The following WDPCP variants were observed in gnomAD, a reference collection of about 807,000 sequenced individuals.
WDPCP encodes WD repeat containing planar cell polarity effector.
Under a neutral mutation model 93.1 loss-of-function variants are expected in WDPCP, and 71 were observed. That is an observed-to-expected ratio of 0.76 (90% confidence interval 0.63 to 0.93). The LOEUF (loss-of-function observed/expected upper bound fraction) is 0.93. WDPCP is among the 40% of genes least tolerant of loss of function. The probability of loss-of-function intolerance (pLI) is 0.00; values close to 1 mark genes in which losing one functional copy is unlikely to be tolerated. For missense variants in WDPCP, 844 were observed against 887.4 expected, an observed-to-expected ratio of 0.95 and a Z score of 0.62; for synonymous variants, 315 against 315.0, an observed-to-expected ratio of 1.00 and a Z score of 0.00.
intron 2 of WDPCP, among the ~76,000 whole-genome samples, chr2:63,657,205 G>GTTTTTTTTTTT (rs61597471): frequency 8.8e-6 from 1 of 114,168 alleles, no homozygotes; most frequent in African/African-American, 3.5e-5. Context: ...TCTGGGTGAT[G>GTTTTTTTTTTT]TTTTTTTTTT....
chr2:63,495,343 A>C (rs561613709), intron 1 of WDPCP, among the ~76,000 whole-genome samples: 8 of 152,300 alleles, frequency 5.3e-5, no homozygotes, highest in African/African-American at 1.7e-4. Flanking sequence ...CTATTACTCA[A>C]AATGTTTCCA....
At chr2:63,661,270 A>G (rs1313217234) in intron 2 of WDPCP, among the ~76,000 whole-genome samples, 1 of 152,194 alleles carries the variant, frequency 6.6e-6, no homozygotes, top group Admixed American at 6.5e-5. Flanking sequence ...TTCTAAGCCT[A>G]CTCAAATAGT....
At chr2:63,329,040 C>T (rs750711930) in intron 12 of WDPCP, among the ~76,000 whole-genome samples, 1 of 152,160 alleles carries the variant, frequency 6.6e-6, no homozygotes, top group Non-Finnish European at 1.5e-5. Context: ...TGTTTACTTT[C>T]ATGATAAGAA....
At chr2:63,570,068 T>G (rs1230368583) in intron 1 of WDPCP, among the ~76,000 whole-genome samples, 1 of 152,306 alleles carries the variant, frequency 6.6e-6, no homozygotes, top group African/African-American at 2.4e-5. Context: ...CAGAAATAAC[T>G]GGGTGCTGAG....
At chr2:63,634,749 T>C (rs564884718) in intron 3 of WDPCP, among the ~76,000 whole-genome samples, 1 of 151,912 alleles carries the variant, frequency 6.6e-6, no homozygotes, top group South Asian at 2.1e-4. Flanking sequence ...ATATCTTGAG[T>C]CAAATAAAAA....
intron 1 of WDPCP, among the ~76,000 whole-genome samples, chr2:63,502,878 T>C (rs1701643714): frequency 6.6e-6 from 1 of 152,120 alleles, no homozygotes; most frequent in Non-Finnish European, 1.5e-5. Context: ...AGCCAGACTG[T>C]GGTTCTTCAC....
At chr2:63,831,874 G>A (rs1048294165), upstream of WDPCP, among the ~76,000 whole-genome samples, 6 of 152,178 alleles carry the variant, frequency 3.9e-5, no homozygotes, top group African/African-American at 1.4e-4. Context: ...TCCTCAGAAG[G>A]ATTTGGAGAA....
chr2:63,760,929 A>G (rs1275094890), intron 2 of WDPCP, among the ~76,000 whole-genome samples: 1 of 152,170 alleles, frequency 6.6e-6, no homozygotes, highest in Non-Finnish European at 1.5e-5. Context: ...ACTCAGTGGT[A>G]CATCCAATAC....
intron 14 of WDPCP, among the ~76,000 whole-genome samples, chr2:63,188,514 T>A (rs879011149): frequency 6.6e-6 from 1 of 151,996 alleles, no homozygotes; most frequent in Non-Finnish European, 1.5e-5. Context: ...TGTTTTTTTT[T>A]CAAGAGACAG....
chr2:63,571,470 G>T (rs1707498711), intron 1 of WDPCP: 4 of 468,320 alleles, frequency 8.5e-6, no homozygotes, highest in South Asian at 4.7e-5. Context: ...TTGCAGTGAA[G>T]GTCTGCTGGC....
intron 8 of WDPCP, among the ~76,000 whole-genome samples, chr2:63,435,408 AT>A (rs1697065389): frequency 6.6e-6 from 1 of 152,144 alleles, no homozygotes; most frequent in African/African-American, 2.4e-5. Context: ...ATTAAGTGTA[AT>A]TTCTTATATT....
intron 13 of WDPCP, among the ~76,000 whole-genome samples, chr2:63,292,648 C>T (rs1575075049): frequency 6.6e-6 from 1 of 152,324 alleles, no homozygotes; most frequent in Non-Finnish European, 1.5e-5. Flanking sequence ...CTGGGTCTCA[C>T]CTCTTCACAC....
At chr2:63,275,656 T>C (rs1440960849) in intron 13 of WDPCP, among the ~76,000 whole-genome samples, 1 of 151,672 alleles carries the variant, frequency 6.6e-6, no homozygotes, top group Non-Finnish European at 1.5e-5. Flanking sequence ...CACAAAAAAA[T>C]ACACAAGAAA....
chr2:63,806,851 T>C (rs1015670615), intron 2 of WDPCP, among the ~76,000 whole-genome samples: 11 of 152,218 alleles, frequency 7.2e-5, no homozygotes, highest in Admixed American at 3.9e-4. Context: ...CCCTGAACAA[T>C]TGCTGTTATC....
intron 3 of WDPCP, chr2:63,594,634 G>C (rs770273105): frequency 7.6e-7 from 1 of 1,321,040 alleles, no homozygotes; most frequent in East Asian, 2.3e-5. Context: ...TAAGAATATG[G>C]TTAATAAAAA....
At chr2:63,708,576 G>A (rs144034730) in intron 2 of WDPCP, among the ~76,000 whole-genome samples, 27,666 of 152,116 alleles carry the variant, frequency 0.18, 2,759 homozygotes, top group Middle Eastern at 0.27. Context: ...TGCGCTTCCC[G>A]GGTGAGGCGA....
intron 6 of WDPCP, among the ~76,000 whole-genome samples, chr2:63,478,583 G>C (rs543547403): frequency 6.6e-6 from 1 of 152,178 alleles, no homozygotes; most frequent in South Asian, 2.1e-4. Flanking sequence ...AAAGATTGTT[G>C]GGTCAACAAT....
chr2:63,358,247 G>GAA (rs930031803), intron 12 of WDPCP, among the ~76,000 whole-genome samples: 1 of 147,942 alleles, frequency 6.8e-6, no homozygotes, highest in Non-Finnish European at 1.5e-5. Flanking sequence ...TTTTAAAAAA[G>GAA]AAAAAAAAAT....
intron 2 of WDPCP, among the ~76,000 whole-genome samples, chr2:63,797,714 G>A (rs774054534): frequency 2.1e-4 from 32 of 152,002 alleles, no homozygotes; most frequent in African/African-American, 4.8e-4. Context: ...AAATCTAAGC[G>A]TTACTGGCCT....
Sources: gnomAD v4.1 joint callset for allele counts (sites outside exome capture counted in the v4.1 genomes callset) on GRCh38, gnomAD v4.1.1 for gene constraint, MANE v1.5 for transcripts, NCBI Gene and HGNC (gene_info 2026-07-23, HGNC 2026-07-21) for gene names.